Variants in RGS7 observed in about 807,000 individuals in gnomAD.
RGS7 encodes regulator of G protein signaling 7, also known as regulator of G-protein signaling 7.
Under a neutral mutation model 81.1 loss-of-function variants are expected in RGS7, and 27 were observed. That is an observed-to-expected ratio of 0.33 (90% CI 0.25 to 0.46). The LOEUF (loss-of-function observed/expected upper bound fraction) is 0.46, where lower values mean the gene tolerates loss of function less well. RGS7 is among the 20% of genes least tolerant of loss of function. RGS7 has a pLI of 1.00. For synonymous variants in RGS7, 208 were observed against 207.7 expected, an observed-to-expected ratio of 1.00 and a Z score of -0.01; for missense variants, 396 against 607.4, an observed-to-expected ratio of 0.65 and a Z score of 3.66.
At chr1:241,176,518 A>G (rs1459812339) in intron 2 of RGS7, among the ~76,000 whole-genome samples, 2 of 152,126 alleles carry the variant, frequency 1.3e-5, no homozygotes, top group African/African-American at 4.8e-5. Context: ...AGAGTCTTAC[A>G]AAGTTTTCTA....
intron 3 of RGS7, among the ~76,000 whole-genome samples, chr1:241,008,263 A>G (rs1281277851): frequency 6.6e-6 from 1 of 152,220 alleles, no homozygotes; most frequent in African/African-American, 2.4e-5. Flanking sequence ...TATATAGCAA[A>G]GATTCAGCAA....
intron 2 of RGS7, among the ~76,000 whole-genome samples, chr1:241,209,907 A>G (rs1271805466): frequency 6.6e-6 from 1 of 152,070 alleles, no homozygotes; most frequent in African/African-American, 2.4e-5. Flanking sequence ...TCTTGACAGA[A>G]TCTTTAGAGT....
intron 3 of RGS7, among the ~76,000 whole-genome samples, chr1:241,065,302 T>TA (rs2061998564): frequency 6.7e-6 from 1 of 149,770 alleles, no homozygotes; most frequent in Non-Finnish European, 1.5e-5. Context: ...GATATAGATA[T>TA]AATAGATATA....
At chr1:241,268,377 C>T (rs578043500) in intron 2 of RGS7, among the ~76,000 whole-genome samples, 35 of 152,260 alleles carry the variant, frequency 2.3e-4, no homozygotes, top group Admixed American at 1.2e-3. Context: ...TTCGGTGCAT[C>T]GTAGGACGTT....
At chr1:241,308,777 A>G (rs2080326540) in intron 2 of RGS7, among the ~76,000 whole-genome samples, 1 of 152,148 alleles carries the variant, frequency 6.6e-6, no homozygotes, top group Admixed American at 6.5e-5. Context: ...CACAGAAAAG[A>G]CACTTGGTTC....
Position 241,329,081 on chromosome 1 carries a change from C to T in RGS7, c.78+26618G>A, listed in dbSNP as rs1202015718. Among the ~76,000 whole-genome samples, 8 of 152,208 alleles carry T rather than the reference C, an allele frequency of 5.3e-5. No individual in the cohort carries two copies. In the East Asian group the frequency reaches 1.5e-3, roughly 29 times the overall value. On this transcript the variant is annotated intron_variant, in intron 2 of 18. Coordinates refer to ENST00000440928, the MANE Select transcript of RGS7 (RefSeq NM_001364886.1). ...TGCTGTTATGCACTTGGTAGGTTTC[C>T]ATCTAATAAAAAGCTTCATATCTGT...
chr1:240,979,073 C>A (rs924713411), intron 4 of RGS7, among the ~76,000 whole-genome samples: 23 of 152,126 alleles, frequency 1.5e-4, no homozygotes, highest in Admixed American at 1.2e-3. Flanking sequence ...TTACAGGTAT[C>A]TAGGCAGGAT....
At chr1:240,938,946 A>AGT (rs1260688573) in intron 4 of RGS7, among the ~76,000 whole-genome samples, 1 of 152,114 alleles carries the variant, frequency 6.6e-6, no homozygotes, top group Admixed American at 6.6e-5. Context: ...TTAAAACTTT[A>AGT]GTGCCAGGGT....
chr1:241,124,427 C>CCT (rs1340422862), intron 2 of RGS7, among the ~76,000 whole-genome samples: 6 of 152,076 alleles, frequency 3.9e-5, no homozygotes, highest in Non-Finnish European at 8.8e-5. Context: ...AAAACAAGAA[C>CCT]CAGAAAATGC....
intron 9 of RGS7, among the ~76,000 whole-genome samples, chr1:240,844,313 A>G (rs905358644): frequency 2.6e-5 from 4 of 152,048 alleles, no homozygotes; most frequent in African/African-American, 9.7e-5. Context: ...GACACCCACA[A>G]CTATGCAAGA....
rs769378768 is a variant in RGS7 at position 240,928,604 on chromosome 1, ATT to A, written c.385+2111_385+2112del. 5.7e-3 allele frequency among the ~76,000 whole-genome samples: 775 copies of A among 134,884 alleles called. 7 individuals are homozygous for A. The highest frequency in any genetic ancestry group is 0.019 in the African/African-American group (703 of 36,380). 88.5% of individuals were successfully genotyped at this position (134,884 alleles called of 152,430 possible). On this transcript the variant is annotated intron_variant, in intron 6 of 18. Transcript: ENST00000440928. The stretch of plus-strand genomic sequence containing the variant: ...GAATGGGAATTTTATTTTCTTTATA[ATT>A]TTTTTTTTTTTTTTTTTTTTTAGAC...
At chr1:240,998,918 C>G in intron 3 of RGS7, 1 of 364,394 alleles carries the variant, frequency 2.7e-6, no homozygotes, top group East Asian at 6.7e-5. Context: ...CCTTTCATAA[C>G]TCCAATGGCA....
intron 13 of RGS7, among the ~76,000 whole-genome samples, chr1:240,812,387 T>C (rs1482397122): frequency 6.6e-6 from 1 of 151,812 alleles, no homozygotes; most frequent in Non-Finnish European, 1.5e-5. Context: ...AGGCAAGTAA[T>C]AAGGGGTAAA....
intron 2 of RGS7, among the ~76,000 whole-genome samples, chr1:241,114,819 T>C (rs73127584): frequency 0.045 from 6,799 of 152,232 alleles, 496 homozygotes; most frequent in African/African-American, 0.15. Flanking sequence ...GTAACCTTTG[T>C]TTTTGTGATT....
At chr1:241,213,830 T>C (rs548530359) in intron 2 of RGS7, among the ~76,000 whole-genome samples, 116 of 152,304 alleles carry the variant, frequency 7.6e-4, no homozygotes, top group Middle Eastern at 3.4e-3. Flanking sequence ...AGCAGTGCAA[T>C]CACTGCTCAC....
chr1:240,932,350 AG>A (rs931633898), intron 5 of RGS7, among the ~76,000 whole-genome samples: 2 of 152,200 alleles, frequency 1.3e-5, no homozygotes, highest in African/African-American at 2.4e-5. Context: ...AAAAGAGGAT[AG>A]TAAGACTTTA....
At chr1:241,243,338 T>C (rs951145591) in intron 2 of RGS7, among the ~76,000 whole-genome samples, 4 of 152,234 alleles carry the variant, frequency 2.6e-5, no homozygotes, top group East Asian at 1.9e-4. Context: ...CTAAGTGCTA[T>C]AGAAAACTGT....
At chr1:241,001,772 G>A (rs1688175501) in intron 3 of RGS7, among the ~76,000 whole-genome samples, 1 of 152,192 alleles carries the variant, frequency 6.6e-6, no homozygotes, top group Non-Finnish European at 1.5e-5. Flanking sequence ...CTGGTTGTCA[G>A]GGGTGGAAGA....
chr1:240,969,210 A>G lies in RGS7; in HGVS notation c.226+13869T>C, dbSNP rs189265596. Among the ~76,000 whole-genome samples, 4 of 151,728 alleles carry G rather than the reference A, an allele frequency of 2.6e-5. No homozygotes were observed. In the East Asian group the frequency reaches 5.8e-4, roughly 22 times the overall value. On this transcript the variant is annotated intron_variant, in intron 4 of 18. Coordinates refer to ENST00000440928, the MANE Select transcript of RGS7 (RefSeq NM_001364886.1). ...CTTCTTCCCTTCTTCCTTTTTAAGG[A>G]AAGTTGCTTATGTCTTATTTCTTTG... is the stretch of plus-strand genomic sequence containing the variant.
Sources: gnomAD v4.1 joint callset for allele counts (sites outside exome capture counted in the v4.1 genomes callset) on GRCh38, gnomAD v4.1.1 for gene constraint, MANE v1.5 for transcripts, NCBI Gene and HGNC (gene_info 2026-07-23, HGNC 2026-07-21) for gene names.